KTN1: variants seen among roughly 807,000 people sequenced by gnomAD.
The protein encoded by KTN1 is kinectin.
A neutral mutation model predicts 222.5 loss-of-function variants in KTN1; 130 were observed. The observed-to-expected ratio is 0.58, with a 90% CI of 0.51 to 0.68. The LOEUF (loss-of-function observed/expected upper bound fraction) is 0.68. Among genes scored for constraint, KTN1 ranks in the 30% least tolerant of loss-of-function variants. The pLI is 0.00. For missense variants in KTN1, 1,508 were observed against 1,500.4 expected (o/e 1.01, Z -0.08); for synonymous variants, 512 against 496.3 (o/e 1.03, Z -0.42).
At chr14:55,667,171 T>G (rs1316431003) in intron 33 of KTN1, 70 bp from the exon 34 acceptor site, 1 of 1,015,758 alleles carries the variant, frequency 9.8e-7, no homozygotes, top group East Asian at 2.5e-5. Flanking sequence ...ACACTATAGT[T>G]TTTTTCTTTT....
chr14:55,672,334 A>G (rs954150367), intron 37 of KTN1: 28 of 259,394 alleles, frequency 1.1e-4, no homozygotes, highest in Admixed American at 3.0e-4. Flanking sequence ...CAGAATTTAC[A>G]GTTGCTGATG....
At position 55,648,091 on chromosome 14, in the gene KTN1, G is replaced by A; in HGVS notation, c.2274G>A (p.Val758=). The A allele has an allele frequency of 2.6e-6, 4 of 1,563,932 alleles. No homozygotes were observed. Among genetic ancestry groups the A allele is most frequent in the Non-Finnish European group, 3.5e-6 (4 of 1,152,712 alleles). Residue 758 remains valine (V), a synonymous_variant, in exon 20 of 44, where the codon GTG becomes GTA. Coordinates refer to ENST00000395314, the MANE Select transcript of KTN1 (RefSeq NM_001079521.2). ...TACTTGAAACTGGACTTATTCAGGT[G>A]GCAACTAAAGAAGAGGAGCTGAATG... ...EELLETGLIQ[V]ATKEEELNAI...
chr14:55,583,078 A>T (rs1453731851), intron 1 of KTN1, among the ~76,000 whole-genome samples: 1 of 152,206 alleles, frequency 6.6e-6, no homozygotes, highest in Non-Finnish European at 1.5e-5. Flanking sequence ...TGAGAATATA[A>T]GCCTTTTTCC....
At chr14:55,644,078 C>G (rs1847854685) in intron 18 of KTN1, among the ~76,000 whole-genome samples, 1 of 152,086 alleles carries the variant, frequency 6.6e-6, no homozygotes, top group African/African-American at 2.4e-5. Flanking sequence ...TATTAATAGT[C>G]TAGAAAGCAT....
In KTN1 at chr14:55,641,715, A is replaced by G. The variant is rs1324716474; in HGVS notation, c.2127A>G (p.Ala709=). 1 of 1,602,984 alleles carries G rather than the reference A, an allele frequency of 6.2e-7. No homozygotes were observed. Among genetic ancestry groups the G allele is most frequent in the Non-Finnish European group, 8.5e-7 (1 of 1,170,182 alleles). The change falls in exon 18 of 44, where the codon GCA becomes GCG. Residue 709 remains alanine (A), a synonymous_variant. Transcript: ENST00000395314. ...EFKILNDQNK[A]LKSEVQKLQT... ...AGATTCTAAATGACCAAAACAAAGC[A>G]TTAAAATCAGAAGTTCAGAAGCTAC...
At chr14:55,666,061 A>G (rs143610473) in intron 33 of KTN1, among the ~76,000 whole-genome samples, 98 of 151,950 alleles carry the variant, frequency 6.4e-4, no homozygotes, top group African/African-American at 2.1e-3. Flanking sequence ...TATTTTCCTT[A>G]TTTTATGCAG....
chr14:55,639,338 G>T, intron 13 of KTN1, 116 bp downstream of exon 13: 28 of 553,114 alleles, frequency 5.1e-5, no homozygotes, highest in African/African-American at 8.0e-5. Context: ...AAAATACTCT[G>T]AACTAGATTT....
intron 34 of KTN1, chr14:55,668,609 T>C (rs1479166941): frequency 6.6e-6 from 1 of 152,140 alleles, no homozygotes; most frequent in African/African-American, 2.4e-5. Flanking sequence ...ATTCGTAATG[T>C]CTGCTTGTCT....
chr14:55,660,509 A>C (rs894040314), intron 31 of KTN1, among the ~76,000 whole-genome samples: 1 of 151,918 alleles, frequency 6.6e-6, no homozygotes, highest in Non-Finnish European at 1.5e-5. Flanking sequence ...TAAAATGTCA[A>C]CCACATTAAG....
chr14:55,585,390 ATATATGTGCACC>A (rs1414787058), intron 1 of KTN1, among the ~76,000 whole-genome samples: 1 of 152,206 alleles, frequency 6.6e-6, no homozygotes, highest in Non-Finnish European at 1.5e-5. Flanking sequence ...AGGAATCAAA[ATATATGTGCACC>A]TTAAATGTTT....
intron 1 of KTN1, among the ~76,000 whole-genome samples, chr14:55,591,547 A>G (rs957453993): frequency 7.0e-6 from 1 of 142,498 alleles, no homozygotes; most frequent in Non-Finnish European, 1.5e-5. Flanking sequence ...GAATTGATAC[A>G]TTGTATGTCT....
intron 35 of KTN1, chr14:55,671,178 T>G (rs2045412042): frequency 4.1e-6 from 1 of 241,430 alleles, no homozygotes; most frequent in African/African-American, 2.3e-5. Flanking sequence ...ATTTAGAAAC[T>G]GGATTGGTTT....
chr14:55,593,446 C>CCCCCCAA (rs1555357160), intron 1 of KTN1, among the ~76,000 whole-genome samples: 26 of 120,574 alleles, frequency 2.2e-4, no homozygotes, highest in African/African-American at 7.3e-4. Flanking sequence ...ACCCCCCCCC[C>CCCCCCAA]AAAAAAAAAA....
chr14:55,634,630 A>G lies in KTN1; in HGVS notation c.1433A>G (p.Asn478Ser). The change falls in exon 9 of 44, where the codon AAT becomes AGT. Residue 478 changes from asparagine to serine, a missense_variant. Coordinates refer to ENST00000395314, the MANE Select transcript of KTN1 (RefSeq NM_001079521.2). ...KLQQEEVQKK[N>S]AEQAATQLKV... is the part of the protein sequence containing the mutation. The stretch of plus-strand genomic sequence containing the variant: ...CAGCAAGAGGAAGTCCAAAAGAAGA[A>G]TGCTGAGCAAGCAGCTACTCAGTTG... The G allele has an allele frequency of 6.2e-7, 1 of 1,613,720 alleles. No homozygotes were observed. Among genetic ancestry groups the G allele is most frequent in the Non-Finnish European group, 8.5e-7 (1 of 1,179,794 alleles).
intron 1 of KTN1, among the ~76,000 whole-genome samples, chr14:55,605,176 G>A (rs1466526057): frequency 6.6e-6 from 1 of 152,128 alleles, no homozygotes; most frequent in Non-Finnish European, 1.5e-5. Flanking sequence ...AAGTATTTCT[G>A]TGTTGAAATT....
At chr14:55,663,300 C>T (rs1284084417) in intron 32 of KTN1, 1 of 178,476 alleles carries the variant, frequency 5.6e-6, no homozygotes, top group Non-Finnish European at 1.2e-5. Flanking sequence ...AAATCCAGAT[C>T]TCTCAATTTT....
chr14:55,592,837 A>T (rs1306089743), intron 1 of KTN1, among the ~76,000 whole-genome samples: 1 of 152,240 alleles, frequency 6.6e-6, no homozygotes, highest in African/African-American at 2.4e-5. Flanking sequence ...TTGTACTTAG[A>T]GTATACTTAC....
chr14:55,680,735 AATTC>A, intron 43 of KTN1: 1 of 1,359,564 alleles, frequency 7.4e-7, no homozygotes, highest in Non-Finnish European at 9.9e-7. Flanking sequence ...TCAAAATGCT[AATTC>A]AGGTCAGTTA....
chr14:55,663,347 TAGCCTTCC>T (rs886856734), intron 32 of KTN1: 1 of 179,404 alleles, frequency 5.6e-6, no homozygotes, highest in Non-Finnish European at 1.2e-5. Flanking sequence ...ATCTATTTTA[TAGCCTTCC>T]AGCCTTCCCC....
Sources: allele counts gnomAD v4.1 joint callset (sites outside exome capture counted in the v4.1 genomes callset), GRCh38; gene constraint gnomAD v4.1.1; transcripts MANE v1.5; gene names NCBI Gene and HGNC (gene_info 2026-07-23, HGNC 2026-07-21).